Variants in MORN1 observed in about 807,000 individuals in gnomAD.
MORN1 encodes MORN repeat containing 1, also known as MORN repeat-containing protein 1.
In MORN1, 67 loss-of-function variants were observed where a neutral mutation model predicts 61.9. The ratio of observed to expected loss-of-function variants is 1.08; its 90% CI spans 0.89 to 1.33. MORN1 has a LOEUF of 1.33. MORN1 is among the 40% of genes most tolerant of loss of function. MORN1 has a pLI of 0.00. For missense variants in MORN1, 752 were observed against 691.2 expected (o/e 1.09, Z -0.99); for synonymous variants, 301 against 292.0 (o/e 1.03, Z -0.31).
chr1:2,325,390 C>T (rs1641005417), intron 12 of MORN1, among the ~76,000 whole-genome samples: 1 of 151,196 alleles, frequency 6.6e-6, no homozygotes, highest in Admixed American at 6.6e-5. Flanking sequence ...TCACTGCGGC[C>T]TCCAACTCCT....
intron 4 of MORN1, chr1:2,386,102 G>A: frequency 1.7e-6 from 1 of 579,752 alleles, no homozygotes; most frequent in Non-Finnish European, 3.1e-6. Context: ...CTCTGAACGG[G>A]AAGGGCAGAT....
At chr1:2,355,123 G>A (rs1641733974) in intron 10 of MORN1, 2 of 1,079,182 alleles carry the variant, frequency 1.9e-6, no homozygotes, top group East Asian at 1.4e-4. Flanking sequence ...CACGAGGCTG[G>A]TTTCAATCGA....
intron 2 of MORN1, among the ~76,000 whole-genome samples, chr1:2,388,838 G>T (rs34189837): frequency 3.3e-5 from 5 of 149,956 alleles, no homozygotes; most frequent in African/African-American, 1.2e-4. Context: ...GTGGCTGGGC[G>T]CAGTGGCTCA....
At chr1:2,370,792 T>C (rs1444813230) in intron 8 of MORN1, among the ~76,000 whole-genome samples, 6 of 152,010 alleles carry the variant, frequency 3.9e-5, no homozygotes, top group Non-Finnish European at 1.5e-5. Context: ...ACTCTCCCAA[T>C]TTCAGCCTTC....
chr1:2,370,771 G>C (rs1408487776), intron 8 of MORN1, among the ~76,000 whole-genome samples: 2 of 151,260 alleles, frequency 1.3e-5, no homozygotes, highest in Non-Finnish European at 2.9e-5. Flanking sequence ...TCAACCTGCT[G>C]GGCTCAAGGG....
At position 2,323,729 on chromosome 1, in the gene MORN1, C is replaced by T. The variant is rs558990384; in HGVS notation, c.1297+368G>A. On this transcript the variant is annotated intron_variant, in intron 13 of 13. Transcript: ENST00000378531. ...CCCTGCAGCCGGCCTTGCTGGGGAG[C>T]AGCTCCTCATGGTTCAGCCACTGTG... 125 of 985,366 alleles carry T rather than the reference C, an allele frequency of 1.3e-4. 1 individual carries two copies. The South Asian group carries it at 5.2e-3, about 41-fold the overall frequency. The allele number at this position is 985,366 out of a possible 1,614,324, so 61.0% of individuals were successfully genotyped here. A position where few individuals can be genotyped will look rare whatever the true frequency, so the allele number is the denominator to read the frequency against.
Position 2,344,578 on chromosome 1 carries a change from G to C in MORN1, c.1037-7728C>G, listed in dbSNP as rs547656970. ...TGGAGGGGGGTCCCGTGTGGGCCGG[G>C]CTGTGCAAAGGACACACTGGTCCCT... is the stretch of plus-strand genomic sequence containing the variant. On this transcript the variant is annotated intron_variant, in intron 10 of 13. Transcript: ENST00000378531. Among the ~76,000 whole-genome samples, 6 of 152,340 alleles carry C rather than the reference G, an allele frequency of 3.9e-5. No individual in the cohort carries two copies. The East Asian group carries it at 7.7e-4, about 20-fold the overall frequency.
rs1557898755 is a variant in MORN1, at chr1:2,391,500, G to T, written c.34C>A (p.Arg12Ser). The T allele has an allele frequency of 3.2e-6, 4 of 1,250,710 alleles. No homozygotes were observed. Among genetic ancestry groups the T allele is most frequent in the Non-Finnish European group, 4.0e-6 (4 of 991,752 alleles). 77.5% of individuals were successfully genotyped at this position (1,250,710 alleles called of 1,614,324 possible). A position where few individuals can be genotyped will look rare whatever the true frequency, so the allele number is the denominator to read the frequency against. The change falls in exon 1 of 14, where the codon CGC becomes AGC. Residue 12 changes from arginine to serine, a missense_variant. Coordinates refer to ENST00000378531, the MANE Select transcript of MORN1 (RefSeq NM_024848.3). The stretch of plus-strand genomic sequence containing the variant: ...CTAGGCGGGTCCCGACGCGGCCCGC[G>T]GGAGCTCGGGGTGCCCTCGCCCGCC... Reference protein sequence around the residue: ...AAAGEGTPSSRGPRRDPPRRP... With the variant: ...AAAGEGTPSSSGPRRDPPRRP...
At position 2,384,989 on chromosome 1, in the gene MORN1, A is replaced by T; in HGVS notation, c.526T>A (p.Ser176Thr). 6.3e-7 allele frequency: 1 copy of T among 1,582,578 alleles called. No individual in the cohort carries two copies. The highest frequency in any genetic ancestry group is 8.6e-7 in the Non-Finnish European group (1 of 1,165,396). ...GCGCCCCCGGGTACCTTGTAGGTGG[A>T]GCCGTCGGCGCAGCGCAGCACCCCG... ...GHGVLRCADG[S>T]TYKGQWHSDV... The change falls in exon 6 of 14, where the codon TCC becomes ACC. Residue 176 changes from serine to threonine, a missense_variant. Ser to Thr is a moderately conservative substitution (Grantham distance 58, BLOSUM62 1). Coordinates refer to ENST00000378531, the MANE Select transcript of MORN1 (RefSeq NM_024848.3).
intron 2 of MORN1, among the ~76,000 whole-genome samples, chr1:2,389,211 G>A (rs116181547): frequency 8.0e-4 from 122 of 152,290 alleles, no homozygotes; most frequent in African/African-American, 2.8e-3. Flanking sequence ...CACCACCAAA[G>A]GTTCACGGCA....
intron 6 of MORN1, chr1:2,378,166 A>T (rs1347000664): frequency 6.6e-6 from 1 of 152,402 alleles, no homozygotes; most frequent in Non-Finnish European, 1.5e-5. Context: ...GTGAACTGTG[A>T]GGAGTTCCAG....
chr1:2,333,013 G>A (rs1322402643), intron 12 of MORN1, among the ~76,000 whole-genome samples: 1 of 152,220 alleles, frequency 6.6e-6, no homozygotes, highest in Non-Finnish European at 1.5e-5. Flanking sequence ...CCCCCAAGGG[G>A]CTTGCTCTGG....
intron 10 of MORN1, among the ~76,000 whole-genome samples, chr1:2,342,862 ATTTTATTTAT>A (rs1431668016): frequency 0.029 from 3,220 of 109,418 alleles, 55 homozygotes; most frequent in South Asian, 0.035. Context: ...ATTTTATTTT[ATTTTATTTAT>A]TTTATTTTAT....
chr1:2,333,176 G>A (rs925804445), intron 12 of MORN1, among the ~76,000 whole-genome samples: 5 of 152,220 alleles, frequency 3.3e-5, no homozygotes, highest in Non-Finnish European at 7.4e-5. Context: ...TCGGGCTCCC[G>A]CCTGGAGATG....
At chr1:2,348,254 G>A (rs1324585300) in intron 10 of MORN1, among the ~76,000 whole-genome samples, 14 of 152,202 alleles carry the variant, frequency 9.2e-5, no homozygotes, top group Admixed American at 1.3e-4. Flanking sequence ...AGAGAGACCC[G>A]GGTTACGCAT....
intron 12 of MORN1, among the ~76,000 whole-genome samples, chr1:2,333,652 C>T (rs1641207968): frequency 6.6e-6 from 1 of 152,188 alleles, no homozygotes. Flanking sequence ...TGAGAGCCGG[C>T]CCTTGCCCCT....
intron 1 of MORN1, chr1:2,390,436 A>G (rs1236843081): frequency 2.0e-6 from 2 of 985,202 alleles, no homozygotes; most frequent in African/African-American, 1.7e-5. Context: ...GTGGCCTCCT[A>G]TCGCTGGGGA....
At chr1:2,336,242 C>G (rs1215604169) in intron 12 of MORN1, among the ~76,000 whole-genome samples, 1 of 152,178 alleles carries the variant, frequency 6.6e-6, no homozygotes, top group Non-Finnish European at 1.5e-5. Context: ...TGGACCGGCT[C>G]CAGCTCCACC....
At chr1:2,384,420 C>T (rs1423023407) in intron 6 of MORN1, among the ~76,000 whole-genome samples, 1 of 152,240 alleles carries the variant, frequency 6.6e-6, no homozygotes, top group Non-Finnish European at 1.5e-5. Flanking sequence ...GTACCACCCC[C>T]AAATCTGCCT....
Sources: allele counts gnomAD v4.1 joint callset (sites outside exome capture counted in the v4.1 genomes callset), GRCh38; gene constraint gnomAD v4.1.1; transcripts MANE v1.5; gene names NCBI Gene and HGNC (gene_info 2026-07-23, HGNC 2026-07-21).